The following OTP variants were observed in gnomAD, a reference collection of about 807,000 sequenced individuals.
OTP encodes the protein orthopedia homeobox.
OTP carries 5 observed loss-of-function variants against 22.3 expected under a neutral mutation model. That is an observed-to-expected ratio of 0.22 (90% CI 0.12 to 0.47). OTP has a LOEUF of 0.47. Ranked by LOEUF, OTP falls within the 20% of genes least tolerant of loss-of-function variation. OTP has a pLI of 0.99. For synonymous variants in OTP, 229 were observed against 210.6 expected (o/e 1.09, Z -0.76); for missense variants, 428 against 456.2 (o/e 0.94, Z 0.56).
chr5:77,630,257 G>T lies in OTP; in HGVS notation c.*7C>A, dbSNP rs776818512. 6.6e-7 allele frequency: 1 copy of T among 1,509,760 alleles called. No homozygotes were observed. The highest frequency in any genetic ancestry group is 8.8e-7 in the Non-Finnish European group (1 of 1,132,958). The allele number at this position is 1,509,760 out of a possible 1,614,324, so 93.5% of individuals were successfully genotyped here. ...CTGGGGGCGGAGCGGGCCGGGGCGCGGCTGCATTAAGTGAAGCTCATAGAG... is the reference window on the plus strand; with the variant it reads ...CTGGGGGCGGAGCGGGCCGGGGCGCTGCTGCATTAAGTGAAGCTCATAGAG... On this transcript the variant is annotated 3_prime_UTR_variant, in exon 3 of 3. Coordinates refer to ENST00000306422, the MANE Select transcript of OTP (RefSeq NM_032109.3).
At position 77,630,133 on chromosome 5, in the gene OTP, GGACGAAAC is replaced by G; in HGVS notation, c.*123_*130del. ...CCGAGCGAGTGGAGGAGAGAGGCGA[GGACGAAAC>G]GAGACGGGGCGAAGGCCGGGGCGGG... On this transcript the variant is annotated 3_prime_UTR_variant, in exon 3 of 3. Transcript: ENST00000306422. The G allele has an allele frequency of 2.3e-6, 1 of 441,020 alleles. No individual in the cohort carries two copies. Among genetic ancestry groups the G allele is most frequent in the South Asian group, 1.1e-4 (1 of 9,518 alleles). The allele number at this position is 441,020 out of a possible 1,614,324, so 27.3% of individuals were successfully genotyped here.
intron 2 of OTP, among the ~76,000 whole-genome samples, chr5:77,634,057 C>T (rs921787329): frequency 2.0e-5 from 3 of 152,110 alleles, no homozygotes; most frequent in Non-Finnish European, 4.4e-5. Flanking sequence ...CTGGGGGACA[C>T]GGTCAATGGA....
At chr5:77,637,280 G>A (rs1442275363) in intron 1 of OTP, 50 bp from the exon 2 acceptor site, 4 of 1,454,082 alleles carry the variant, frequency 2.8e-6, no homozygotes, top group African/African-American at 1.4e-5. Context: ...GATGCCAGGA[G>A]GGGCTGTCTT....
intron 1 of OTP, among the ~76,000 whole-genome samples, chr5:77,637,674 C>T (rs1745031684): frequency 6.6e-6 from 1 of 152,232 alleles, no homozygotes; most frequent in Non-Finnish European, 1.5e-5. Context: ...ACCTCCGGCC[C>T]TCAGCCGATT....
chr5:77,632,896 G>T (rs1444878528), intron 2 of OTP, among the ~76,000 whole-genome samples: 1 of 152,158 alleles, frequency 6.6e-6, no homozygotes, highest in Non-Finnish European at 1.5e-5. Flanking sequence ...CATCTCTCAG[G>T]AGGAAAGGAA....
Position 77,636,973 on chromosome 5 carries a change from G to T in OTP, c.295C>A (p.Gln99Lys). 1 of 1,614,048 alleles carries T rather than the reference G, an allele frequency of 6.2e-7. No homozygotes were observed. Among genetic ancestry groups the T allele is most frequent in the South Asian group, 1.1e-5 (1 of 91,084 alleles). Reference protein sequence around the residue: ...GPNPSQAGQQQGQQKQKRHRT... With the variant: ...GPNPSQAGQQKGQQKQKRHRT... ...TGGCGCTTCTGCTTCTGTTGGCCCT[G>T]CTGCTGGCCGGCTTGGCTGGGGTTC... The change falls in exon 2 of 3, where the codon CAG becomes AAG. Residue 99 changes from glutamine (Q) to lysine (K), a missense_variant. Gln to Lys is a moderately conservative substitution (Grantham distance 53). Around this residue, in one of 3 missense-constraint regions of OTP, gnomAD observed 176 missense variants for 162.9 expected, o/e 1.08. Transcript: ENST00000306422.
chr5:77,637,031 G>C lies in OTP; in HGVS notation c.237C>G (p.Asp79Glu), dbSNP rs752640925. Residue 79 changes from aspartate to glutamate, a missense_variant, in exon 2 of 3, where the codon GAC becomes GAG. Around this residue, in one of 3 missense-constraint regions of OTP, gnomAD observed 176 missense variants for 162.9 expected, o/e 1.08. Coordinates refer to ENST00000306422, the MANE Select transcript of OTP (RefSeq NM_032109.3). Reference protein sequence around the residue: ...TPASLAVSAKDPDKQPGPQGG... With the variant: ...TPASLAVSAKEPDKQPGPQGG... Reference sequence around the variant, plus strand: ...CCTGGGGCCCGGGCTGCTTGTCCGGGTCTTTGGCGCTCACCGCCAGCGAGG... The same window carrying C: ...CCTGGGGCCCGGGCTGCTTGTCCGGCTCTTTGGCGCTCACCGCCAGCGAGG... The C allele has an allele frequency of 1.9e-6, 3 of 1,612,900 alleles. No homozygotes were observed. The highest frequency in any genetic ancestry group is 2.2e-5 in the East Asian group (1 of 44,848).
intron 2 of OTP, chr5:77,635,918 A>AC (rs925943169): frequency 7.2e-6 from 1 of 138,604 alleles, no homozygotes; most frequent in Non-Finnish European, 1.5e-5. Context: ...CAAAAAAAAA[A>AC]AACAAACAAA....
In OTP at chr5:77,630,708, C is replaced by T; in HGVS notation, c.534G>A (p.Thr178=). ...CCGACGGGAACTGAGGCAGGCCTGG[C>T]GTGGGCAGCAGTGTGCCGGGCGCAC... ...VFRAPGTLLP[T]PGLPQFPSAA... is the part of the protein sequence containing the mutation. Residue 178 remains threonine, a synonymous_variant, in exon 3 of 3, where the codon ACG becomes ACA. Coordinates refer to ENST00000306422, the MANE Select transcript of OTP (RefSeq NM_032109.3). The T allele has an allele frequency of 6.3e-7, 1 of 1,583,680 alleles. No individual in the cohort carries two copies. Among genetic ancestry groups the T allele is most frequent in the Non-Finnish European group, 8.5e-7 (1 of 1,173,192 alleles).
chr5:77,637,170 A>C lies in OTP; in HGVS notation c.98T>G (p.Val33Gly). Reference sequence around the variant, plus strand: ...ATGGCCCCCGGGGTCGGAGCCCCCCACGCCCAGCCTACACTTCACCGCCTC... The same window carrying C: ...ATGGCCCCCGGGGTCGGAGCCCCCCCCGCCCAGCCTACACTTCACCGCCTC... ...HREAVKCRLG[V>G]GGSDPGGHPG... The change falls in exon 2 of 3, where the codon GTG becomes GGG. Residue 33 changes from valine (V) to glycine (G), a missense_variant. Physicochemically the swap from Val to Gly is moderately radical, Grantham distance 109. This residue lies in a region of OTP where 176 missense variants were observed against 162.9 expected (regional missense o/e 1.08). Transcript: ENST00000306422. 1 of 1,572,666 alleles carries C rather than the reference A, an allele frequency of 6.4e-7. No homozygotes were observed. Among genetic ancestry groups the C allele is most frequent in the Non-Finnish European group, 8.6e-7 (1 of 1,159,448 alleles).
At chr5:77,633,969 A>G (rs1744969187) in intron 2 of OTP, among the ~76,000 whole-genome samples, 1 of 152,130 alleles carries the variant, frequency 6.6e-6, no homozygotes, top group Non-Finnish European at 1.5e-5. Context: ...AGAAAATGCA[A>G]TTTCTCATTC....
At chr5:77,633,581 C>T (rs1166964018) in intron 2 of OTP, among the ~76,000 whole-genome samples, 1 of 152,176 alleles carries the variant, frequency 6.6e-6, no homozygotes, top group African/African-American at 2.4e-5. Context: ...TGAAATGCAG[C>T]TCTTCTTGGA....
intron 1 of OTP, among the ~76,000 whole-genome samples, 155 bp downstream of exon 1, chr5:77,638,358 T>A (rs944002767): frequency 2.0e-5 from 3 of 152,134 alleles, no homozygotes; most frequent in African/African-American, 7.2e-5. Context: ...GATTTTTTTT[T>A]AAAGGCGATG....
intron 2 of OTP, among the ~76,000 whole-genome samples, chr5:77,632,668 G>T (rs1344655704): frequency 2.0e-5 from 3 of 152,040 alleles, no homozygotes; most frequent in Non-Finnish European, 2.9e-5. Context: ...CCTTTCTACC[G>T]TGCCTGCGCC....
intron 2 of OTP, among the ~76,000 whole-genome samples, chr5:77,632,356 G>A (rs1210346383): frequency 6.6e-6 from 1 of 152,240 alleles, no homozygotes; most frequent in African/African-American, 2.4e-5. Context: ...GGCGTTTACT[G>A]TGCCTAAATA....
chr5:77,631,897 C>G (rs1202716755), intron 2 of OTP, among the ~76,000 whole-genome samples: 1 of 152,092 alleles, frequency 6.6e-6, no homozygotes, highest in Non-Finnish European at 1.5e-5. Flanking sequence ...ACCAAGGGTC[C>G]CAAGTAACAA....
chr5:77,631,747 T>C (rs1339461184), intron 2 of OTP, among the ~76,000 whole-genome samples: 2 of 151,128 alleles, frequency 1.3e-5, no homozygotes, highest in African/African-American at 2.5e-5. Context: ...GTACTTTTAG[T>C]GGAGACGGGG....
intron 2 of OTP, among the ~76,000 whole-genome samples, chr5:77,631,419 C>T (rs531876278): frequency 1.2e-4 from 19 of 152,242 alleles, no homozygotes; most frequent in African/African-American, 3.9e-4. Context: ...CCATGACTTC[C>T]GATTCCTCCC....
chr5:77,632,257 G>A (rs1744942373), intron 2 of OTP, among the ~76,000 whole-genome samples: 1 of 152,120 alleles, frequency 6.6e-6, no homozygotes, highest in Admixed American at 6.5e-5. Flanking sequence ...CCCCCTATTT[G>A]AATGTGATCT....
Sources: gnomAD v4.1 joint callset for allele counts (sites outside exome capture counted in the v4.1 genomes callset) on GRCh38, gnomAD v4.1.1 for gene constraint, gnomAD v4.1.1 regional missense constraint, MANE v1.5 for transcripts, NCBI Gene and HGNC (gene_info 2026-07-23, HGNC 2026-07-21) for gene names.